Variants in ITFG2 observed in about 807,000 individuals in gnomAD.
ITFG2 encodes integrin alpha FG-GAP repeat containing 2.
ITFG2 carries 36 observed loss-of-function variants against 54.4 expected under a neutral mutation model. The ratio of observed to expected loss-of-function variants is 0.66; its 90% CI spans 0.51 to 0.87. The LOEUF (loss-of-function observed/expected upper bound fraction) is 0.87, where lower values mean the gene tolerates loss of function less well. ITFG2 is among the 40% of genes least tolerant of loss of function. The probability of loss-of-function intolerance (pLI) is 0.00; values close to 1 mark genes in which losing one functional copy is unlikely to be tolerated. For synonymous variants in ITFG2, 211 were observed against 225.4 expected, an observed-to-expected ratio of 0.94 and a Z score of 0.57; for missense variants, 524 against 576.7, an observed-to-expected ratio of 0.91 and a Z score of 0.94.
intron 1 of ITFG2, among the ~76,000 whole-genome samples, chr12:2,816,496 A>AT (rs1415553606): frequency 1.3e-5 from 2 of 151,066 alleles, no homozygotes; most frequent in Admixed American, 6.6e-5. Flanking sequence ...TGCCCGGCTA[A>AT]TTTTTTGTAG....
rs763593658 is a variant in ITFG2 at position 2,817,359 on chromosome 12, C to G, written c.192+41C>G. 47 of 1,447,338 alleles carry G rather than the reference C, an allele frequency of 3.2e-5. No homozygotes were observed. The African/African-American group carries it at 5.7e-4, about 18-fold the overall frequency. 89.7% of individuals were successfully genotyped at this position (1,447,338 alleles called of 1,614,324 possible). On this transcript the variant is annotated intron_variant, in intron 2 of 11. Coordinates refer to ENST00000228799, the MANE Select transcript of ITFG2 (RefSeq NM_018463.4). ...CCTGGGCCTGGAGGGGGGAAGGGAT[C>G]CCTTCTGTCCAGGGACCACCTAGGG... is the stretch of plus-strand genomic sequence containing the variant.
intron 1 of ITFG2, among the ~76,000 whole-genome samples, chr12:2,838,863 G>T (rs2098034425): frequency 6.6e-6 from 1 of 152,144 alleles, no homozygotes; most frequent in African/African-American, 2.4e-5. Flanking sequence ...CTTTCTGCAG[G>T]ACTGTAGACA....
intron 10 of ITFG2, 69 bp from the exon 11 acceptor site, chr12:2,823,701 C>T (rs2097953884): frequency 6.7e-7 from 1 of 1,492,806 alleles, no homozygotes; most frequent in Admixed American, 2.3e-5. Flanking sequence ...AGGTCTGTGT[C>T]TTGCTGTCTG....
chr12:2,827,391 C>T, downstream of ITFG2: 2 of 1,528,976 alleles, frequency 1.3e-6, no homozygotes, highest in East Asian at 2.3e-5. This position sits in a 1 kb window ranked among gnomAD's most constrained non-coding sequence, Gnocchi z 4.0. Context: ...CTTCCCACAG[C>T]TTCCACCTGC....
At chr12:2,843,090 G>A (rs1200768511) in intron 2 of ITFG2, among the ~76,000 whole-genome samples, 1 of 152,214 alleles carries the variant, frequency 6.6e-6, no homozygotes, top group East Asian at 1.9e-4. Flanking sequence ...AAATCACCCA[G>A]TCCAGTGCCC....
At position 2,823,756 on chromosome 12, in the gene ITFG2, C is replaced by T. The variant is rs1377261337; in HGVS notation, c.1067-14C>T. The T allele has an allele frequency of 3.9e-6, 6 of 1,531,198 alleles. No individual in the cohort carries two copies. The highest frequency in any genetic ancestry group is 5.3e-6 in the Non-Finnish European group (6 of 1,137,510). 94.9% of individuals were successfully genotyped at this position (1,531,198 alleles called of 1,614,324 possible). A position where few individuals can be genotyped will look rare whatever the true frequency, so the allele number is the denominator to read the frequency against. ...AAACTTCCTGACCTTTATCTCCCTG[C>T]CAACATCTTCCAGGCCTGTACGCCT... is the stretch of plus-strand genomic sequence containing the variant. On this transcript the variant is annotated splice_polypyrimidine_tract_variant and intron_variant, in intron 10 of 11. Transcript: ENST00000228799.
Position 2,817,396 on chromosome 12 carries a change from C to G in ITFG2, c.192+78C>G, listed in dbSNP as rs1274134024. On this transcript the variant is annotated intron_variant, in intron 2 of 11. Coordinates refer to ENST00000228799, the MANE Select transcript of ITFG2 (RefSeq NM_018463.4). ...GGGACCACCTAGGGTGAGCCCCACA[C>G]AGGTGCTCACCCATGTGTCCTGACT... The G allele has an allele frequency of 5.2e-6, 5 of 954,664 alleles. No individual in the cohort carries two copies. In the African/African-American group the frequency reaches 8.1e-5, roughly 15 times the overall value. 59.1% of individuals were successfully genotyped at this position (954,664 alleles called of 1,614,324 possible).
At chr12:2,834,698 A>G, upstream of ITFG2, 2 of 1,613,780 alleles carry the variant, frequency 1.2e-6, no homozygotes, top group Admixed American at 3.3e-5. Flanking sequence ...AGGTCGGCCG[A>G]GTCCTTGTGC....
chr12:2,817,927 G>A lies in ITFG2; in HGVS notation c.211G>A (p.Gly71Arg), dbSNP rs779592612. ...CQGMLTCVGV[G>R]DVCNKGKNLL... Reference sequence around the variant, plus strand: ...CTTACAGCTGACTTGCGTTGGGGTTGGAGACGTGTGTAATAAAGGAAAGGT... The same window carrying A: ...CTTACAGCTGACTTGCGTTGGGGTTAGAGACGTGTGTAATAAAGGAAAGGT... Residue 71 changes from glycine to arginine, a missense_variant, in exon 3 of 12, where the codon GGA becomes AGA. Gly to Arg is a moderately radical substitution (Grantham distance 125, BLOSUM62 -2). Coordinates refer to ENST00000228799, the MANE Select transcript of ITFG2 (RefSeq NM_018463.4). 2 of 1,613,954 alleles carry A rather than the reference G, an allele frequency of 1.2e-6. No homozygotes were observed. Among genetic ancestry groups the A allele is most frequent in the Non-Finnish European group, 8.5e-7 (1 of 1,179,956 alleles).
At chr12:2,850,746 C>A (rs1259952291) in intron 2 of ITFG2, among the ~76,000 whole-genome samples, 2 of 151,638 alleles carry the variant, frequency 1.3e-5, no homozygotes, top group Non-Finnish European at 2.9e-5. Context: ...GATCTTGGCT[C>A]ACTGCAACCT....
chr12:2,848,268 G>T (rs1194404696), intron 2 of ITFG2, among the ~76,000 whole-genome samples: 1 of 152,180 alleles, frequency 6.6e-6, no homozygotes, highest in East Asian at 1.9e-4. Flanking sequence ...TGTGATGGGG[G>T]TGGGAGGAGG....
At chr12:2,816,636 CTTT>C (rs57417012) in intron 1 of ITFG2, among the ~76,000 whole-genome samples, 12 of 111,262 alleles carry the variant, frequency 1.1e-4, no homozygotes, top group Admixed American at 1.9e-4. Flanking sequence ...GCCTTTTTTT[CTTT>C]TTTTTTTTTT....
At chr12:2,850,615 G>A (rs571428800) in intron 2 of ITFG2, among the ~76,000 whole-genome samples, 1 of 152,088 alleles carries the variant, frequency 6.6e-6, no homozygotes, top group Non-Finnish European at 1.5e-5. Context: ...TACAGCTTCA[G>A]TGCTTCAGTG....
Position 2,812,863 on chromosome 12 carries a change from GCATGCGCAC to G in ITFG2, c.96+9_96+17del, listed in dbSNP as rs1207298524. 18 of 1,603,216 alleles carry G rather than the reference GCATGCGCAC, an allele frequency of 1.1e-5. No individual in the cohort carries two copies. Among genetic ancestry groups the G allele is most frequent in the African/African-American group, 4.0e-5 (3 of 74,780 alleles). On this transcript the variant is annotated splice_region_variant and intron_variant, in intron 1 of 11. Transcript: ENST00000228799. ...AGACGTTGATAACGATACGGTAGGT[GCATGCGCAC>G]CGCAAGAGACAGCCTGGATCTGTGC...
chr12:2,844,131 G>A (rs1177325063), intron 2 of ITFG2, among the ~76,000 whole-genome samples: 3 of 150,680 alleles, frequency 2.0e-5, no homozygotes, highest in Non-Finnish European at 2.9e-5. Context: ...GGTGGCACAC[G>A]CTTGTGGTCC....
chr12:2,812,928 G>T (rs2097912598), intron 1 of ITFG2, 72 bp downstream of exon 1: 7 of 1,288,286 alleles, frequency 5.4e-6, no homozygotes, highest in South Asian at 1.2e-5. Context: ...GGAAGAGGCC[G>T]CCCGAGCGTG....
chr12:2,841,495 T>C (rs1205686491), intron 2 of ITFG2, among the ~76,000 whole-genome samples: 2 of 152,172 alleles, frequency 1.3e-5, no homozygotes, highest in Admixed American at 6.5e-5. Flanking sequence ...AGACCACACC[T>C]TGCATTTACC....
chr12:2,836,007 G>A (rs2098026630), upstream of ITFG2, among the ~76,000 whole-genome samples: 1 of 152,186 alleles, frequency 6.6e-6, no homozygotes, highest in Non-Finnish European at 1.5e-5. Context: ...TCCATTAGAT[G>A]CATGCATGAC....
At chr12:2,828,569 G>A (rs762587223), downstream of ITFG2, among the ~76,000 whole-genome samples, 1 of 152,218 alleles carries the variant, frequency 6.6e-6, no homozygotes, top group African/African-American at 2.4e-5. Context: ...GCCAGGCGCG[G>A]TAGCTCACGC....
Sources: gnomAD v4.1 joint callset for allele counts (sites outside exome capture counted in the v4.1 genomes callset) on GRCh38, gnomAD v4.1.1 for gene constraint, Gnocchi (gnomAD v3.1) non-coding constraint, MANE v1.5 for transcripts, NCBI Gene and HGNC (gene_info 2026-07-23, HGNC 2026-07-21) for gene names.